CDH20: variants seen among roughly 807,000 people sequenced by gnomAD.
The protein encoded by CDH20 is cadherin 20, also known as cadherin-20.
Under a neutral mutation model 74.2 loss-of-function variants are expected in CDH20, and 29 were observed. That is an observed-to-expected ratio of 0.39 (90% CI 0.29 to 0.53). The LOEUF (loss-of-function observed/expected upper bound fraction) is 0.53. Among genes scored for constraint, CDH20 ranks in the 20% least tolerant of loss-of-function variants. The probability of loss-of-function intolerance (pLI) is 0.69; values close to 1 mark genes in which losing one functional copy is unlikely to be tolerated. For missense variants in CDH20, 988 were observed against 1,048.3 expected (o/e 0.94, Z 0.79); for synonymous variants, 469 against 405.4 (o/e 1.16, Z -1.88).
chr18:61,340,992 C>T (rs1909929282), intron 1 of CDH20, among the ~76,000 whole-genome samples: 1 of 152,142 alleles, frequency 6.6e-6, no homozygotes, highest in South Asian at 2.1e-4. Flanking sequence ...ATATCTTTTC[C>T]TATGCAAATG....
chr18:61,413,360 A>G lies in CDH20; in HGVS notation c.-152-77042A>G, dbSNP rs375408106. Among the ~76,000 whole-genome samples, 5 of 152,270 alleles carry G rather than the reference A, an allele frequency of 3.3e-5. No homozygotes were observed. The South Asian group carries it at 6.2e-4, about 19-fold the overall frequency. On this transcript the variant is annotated intron_variant, in intron 1 of 11. Transcript: ENST00000262717. The stretch of plus-strand genomic sequence containing the variant: ...ATTCTACAAAGTATATTTATTTTTT[A>G]TTTTTTAACCAAAGGATCAATAGAC...
At chr18:61,399,075 G>A (rs1278742248) in intron 1 of CDH20, among the ~76,000 whole-genome samples, 1 of 151,978 alleles carries the variant, frequency 6.6e-6, no homozygotes, top group Non-Finnish European at 1.5e-5. Context: ...TTTAGTCAAG[G>A]CATGGAAAAT....
intron 1 of CDH20, among the ~76,000 whole-genome samples, chr18:61,463,139 C>T (rs1302097403): frequency 6.6e-6 from 1 of 152,078 alleles, no homozygotes; most frequent in Non-Finnish European, 1.5e-5. Context: ...TTTCAAGGGC[C>T]CTTTCTGTTG....
At chr18:61,433,468 C>CA (rs1908724374) in intron 1 of CDH20, among the ~76,000 whole-genome samples, 2 of 152,122 alleles carry the variant, frequency 1.3e-5, no homozygotes, top group African/African-American at 4.8e-5. Flanking sequence ...CTACTTTAGA[C>CA]ACACTGGGAA....
intron 2 of CDH20, among the ~76,000 whole-genome samples, chr18:61,492,975 T>C (rs778825188): frequency 3.3e-5 from 5 of 152,344 alleles, no homozygotes; most frequent in Admixed American, 3.3e-4. Context: ...CTTTGCACAG[T>C]ACTTAATCCA....
chr18:61,420,840 G>C (rs1161402935), intron 1 of CDH20, among the ~76,000 whole-genome samples: 1 of 152,150 alleles, frequency 6.6e-6, no homozygotes, highest in Non-Finnish European at 1.5e-5. Flanking sequence ...GATCGCCTGA[G>C]ATCAGGAGTT....
chr18:61,521,550 G>C (rs1014293471), intron 6 of CDH20, among the ~76,000 whole-genome samples: 19 of 151,210 alleles, frequency 1.3e-4, no homozygotes, highest in Non-Finnish European at 2.1e-4. Context: ...ACAAAAAGAG[G>C]AACTCCACCC....
intron 1 of CDH20, among the ~76,000 whole-genome samples, chr18:61,415,575 C>T (rs564434958): frequency 6.6e-6 from 1 of 152,252 alleles, no homozygotes; most frequent in Non-Finnish European, 1.5e-5. Flanking sequence ...AAAATTCAGG[C>T]AGAATATCAC....
In CDH20 at chr18:61,458,260, T is replaced by C. The variant is rs141644588; in HGVS notation, c.-152-32142T>C. The stretch of plus-strand genomic sequence containing the variant: ...ATTTATTCTATTTCAGAATAGGGTC[T>C]TCCTTACTGAAGAGGAATAGTGGAA... On this transcript the variant is annotated intron_variant, in intron 1 of 11. Coordinates refer to ENST00000262717, the MANE Select transcript of CDH20 (RefSeq NM_031891.4). 1.0e-3 allele frequency among the ~76,000 whole-genome samples: 159 copies of C among 152,328 alleles called. 3 individuals carry two copies. In the East Asian group the frequency reaches 0.029, roughly 27 times the overall value.
intron 11 of CDH20, among the ~76,000 whole-genome samples, 160 bp downstream of exon 11, chr18:61,550,389 G>A (rs986016869): frequency 6.6e-6 from 1 of 152,218 alleles, no homozygotes; most frequent in Non-Finnish European, 1.5e-5. Context: ...TAAAGAAATT[G>A]AGGACAGTCC....
At chr18:61,503,528 T>C (rs1038513925) in intron 5 of CDH20, among the ~76,000 whole-genome samples, 2 of 152,250 alleles carry the variant, frequency 1.3e-5, no homozygotes, top group African/African-American at 4.8e-5. Context: ...GGGGGCCATA[T>C]TGATCCATTG....
At chr18:61,446,981 G>A (rs539804903) in intron 1 of CDH20, among the ~76,000 whole-genome samples, 112 of 152,296 alleles carry the variant, frequency 7.4e-4, no homozygotes, top group African/African-American at 2.5e-3. Flanking sequence ...AATATCCAAC[G>A]TTTTTCAATC....
At chr18:61,526,121 C>CTTT (rs765492185) in intron 6 of CDH20, among the ~76,000 whole-genome samples, 31 of 90,200 alleles carry the variant, frequency 3.4e-4, no homozygotes, top group Non-Finnish European at 4.2e-4. Flanking sequence ...AAAAAGTTGA[C>CTTT]TTTTTTTTTT....
chr18:61,544,673 TTCTCC>T (rs1050313791), intron 9 of CDH20, among the ~76,000 whole-genome samples: 11 of 152,246 alleles, frequency 7.2e-5, no homozygotes, highest in East Asian at 1.9e-4. Flanking sequence ...TGTGCTCCTC[TTCTCC>T]TCTCAACATC....
At chr18:61,503,159 A>G (rs756295459) in intron 5 of CDH20, 39 bp downstream of exon 5, 2 of 1,487,560 alleles carry the variant, frequency 1.3e-6, no homozygotes, top group Admixed American at 4.5e-5. Context: ...CCTCGGGCCC[A>G]GAGGGACGCA....
At chr18:61,345,141 C>G (rs1321138134) in intron 1 of CDH20, among the ~76,000 whole-genome samples, 5 of 152,188 alleles carry the variant, frequency 3.3e-5, no homozygotes, top group African/African-American at 7.2e-5. Context: ...CCAATCCGGA[C>G]AATATTGAGC....
chr18:61,374,575 G>A (rs1039488545), intron 1 of CDH20, among the ~76,000 whole-genome samples: 4 of 152,018 alleles, frequency 2.6e-5, no homozygotes, highest in Admixed American at 6.6e-5. Context: ...GGATGAGATC[G>A]ACTAGCATTT....
At chr18:61,449,859 C>T (rs1599093321) in intron 1 of CDH20, among the ~76,000 whole-genome samples, 1 of 151,968 alleles carries the variant, frequency 6.6e-6, no homozygotes. Context: ...AAGAGTCTTG[C>T]ATTCAATCTT....
At chr18:61,521,691 T>C (rs540205804) in intron 6 of CDH20, among the ~76,000 whole-genome samples, 2 of 151,394 alleles carry the variant, frequency 1.3e-5, no homozygotes, top group Non-Finnish European at 2.9e-5. Context: ...ACTGGCAAAC[T>C]GAATCCAGCA....
Sources: gnomAD v4.1 joint callset for allele counts (sites outside exome capture counted in the v4.1 genomes callset) on GRCh38, gnomAD v4.1.1 for gene constraint, MANE v1.5 for transcripts, NCBI Gene and HGNC (gene_info 2026-07-23, HGNC 2026-07-21) for gene names.